PRKAR1B: variants seen among roughly 807,000 people sequenced by gnomAD.
The protein encoded by PRKAR1B is protein kinase cAMP-dependent type I regulatory subunit beta.
PRKAR1B carries 22 observed loss-of-function variants against 46.5 expected under a neutral mutation model. The observed-to-expected ratio is 0.47, with a 90% confidence interval of 0.34 to 0.68. The LOEUF (loss-of-function observed/expected upper bound fraction) is 0.68, where lower values mean the gene tolerates loss of function less well. PRKAR1B is among the 30% of genes least tolerant of loss of function. The pLI, the probability that PRKAR1B is intolerant of heterozygous loss-of-function variation, is 0.01. For missense variants in PRKAR1B, 445 were observed against 535.6 expected (o/e 0.83, Z 1.67); for synonymous variants, 259 against 217.7 (o/e 1.19, Z -1.67).
At chr7:594,964 A>G (rs1484859218) in intron 7 of PRKAR1B, among the ~76,000 whole-genome samples, 2 of 152,202 alleles carry the variant, frequency 1.3e-5, no homozygotes, top group East Asian at 3.9e-4. Context: ...GAATGGCCGC[A>G]CGGGGTGCTG....
chr7:662,095 C>A (rs1288404668), intron 4 of PRKAR1B, among the ~76,000 whole-genome samples: 3 of 103,316 alleles, frequency 2.9e-5, no homozygotes, highest in Non-Finnish European at 5.9e-5. Flanking sequence ...TACTCTCCCC[C>A]CCATGGCACA....
intron 4 of PRKAR1B, among the ~76,000 whole-genome samples, chr7:636,788 C>T (rs959924347): frequency 1.3e-5 from 2 of 152,208 alleles, no homozygotes; most frequent in Non-Finnish European, 2.9e-5. Context: ...TGCACCTGCA[C>T]GCCCCTCCCT....
intron 1 of PRKAR1B, among the ~76,000 whole-genome samples, chr7:715,804 C>T (rs556879906): frequency 3.0e-4 from 45 of 151,570 alleles, no homozygotes; most frequent in Non-Finnish European, 2.4e-4. Flanking sequence ...CAAGCTCCGC[C>T]TCCCGGGTTC....
At chr7:591,414 C>T (rs961179147) in intron 7 of PRKAR1B, among the ~76,000 whole-genome samples, 1 of 152,012 alleles carries the variant, frequency 6.6e-6, no homozygotes, top group East Asian at 1.9e-4. Flanking sequence ...ACGGGGAGGG[C>T]GGGGGCGCTA....
At chr7:712,143 G>A (rs991231042) in intron 1 of PRKAR1B, among the ~76,000 whole-genome samples, 2 of 151,260 alleles carry the variant, frequency 1.3e-5, no homozygotes, top group African/African-American at 4.8e-5. Context: ...ACCGCACCGC[G>A]GGGCGCAGGA....
chr7:641,341 C>A (rs955566784), intron 4 of PRKAR1B, among the ~76,000 whole-genome samples: 3 of 152,224 alleles, frequency 2.0e-5, no homozygotes, highest in African/African-American at 7.2e-5. Flanking sequence ...TACGTTCACA[C>A]AGACACGCAT....
intron 1 of PRKAR1B, among the ~76,000 whole-genome samples, chr7:721,074 G>GCAAC (rs368356161): frequency 1.7e-4 from 26 of 152,274 alleles, no homozygotes; most frequent in African/African-American, 5.8e-4. Context: ...ATATACATAT[G>GCAAC]CAACCCATCG....
At chr7:684,192 G>A (rs576101489) in intron 2 of PRKAR1B, among the ~76,000 whole-genome samples, 11 of 151,842 alleles carry the variant, frequency 7.2e-5, no homozygotes, top group African/African-American at 2.2e-4. Flanking sequence ...CCACCTCCAC[G>A]TGCACCAATG....
chr7:689,972 C>T (rs537137571), intron 2 of PRKAR1B, among the ~76,000 whole-genome samples: 7 of 151,290 alleles, frequency 4.6e-5, no homozygotes, highest in East Asian at 4.1e-4. Flanking sequence ...TGAGCCACCG[C>T]GCCTGGCCGA....
intron 2 of PRKAR1B, among the ~76,000 whole-genome samples, chr7:710,438 G>C (rs988819408): frequency 9.2e-5 from 14 of 152,138 alleles, no homozygotes; most frequent in African/African-American, 3.1e-4. Flanking sequence ...TCCCAGGCAC[G>C]CACGTCTACG....
chr7:580,763 A>C (rs912394436), intron 8 of PRKAR1B, among the ~76,000 whole-genome samples: 14 of 150,504 alleles, frequency 9.3e-5, no homozygotes, highest in Non-Finnish European at 1.6e-4. Context: ...AAAAAAAAAA[A>C]CAAACGTTTC....
intron 7 of PRKAR1B, among the ~76,000 whole-genome samples, chr7:592,691 G>C (rs1360183578): frequency 6.6e-6 from 1 of 152,304 alleles, no homozygotes; most frequent in Non-Finnish European, 1.5e-5. Context: ...TGAGGTCCTG[G>C]GTAAGGATCA....
intron 4 of PRKAR1B, among the ~76,000 whole-genome samples, chr7:624,893 A>ATGG (rs1783302676): frequency 6.6e-6 from 1 of 152,260 alleles, no homozygotes; most frequent in Admixed American, 6.5e-5. Flanking sequence ...GATTAACTGA[A>ATGG]TGGCACCATC....
chr7:555,303 CT>C (rs1179157212), intron 9 of PRKAR1B, among the ~76,000 whole-genome samples: 1 of 152,078 alleles, frequency 6.6e-6, no homozygotes, highest in African/African-American at 2.4e-5. Flanking sequence ...GTGCCGACTG[CT>C]CCCGGACACA....
At chr7:627,832 G>A (rs535687266) in intron 4 of PRKAR1B, among the ~76,000 whole-genome samples, 90 of 152,316 alleles carry the variant, frequency 5.9e-4, no homozygotes, top group Non-Finnish European at 1.1e-3. Flanking sequence ...AACTCCACTC[G>A]GCCCTCACTG....
chr7:625,873 T>A (rs1783364660), intron 4 of PRKAR1B, among the ~76,000 whole-genome samples: 1 of 151,882 alleles, frequency 6.6e-6, no homozygotes, highest in Non-Finnish European at 1.5e-5. Flanking sequence ...CTGGGCATGG[T>A]GGCAGGCACC....
intron 6 of PRKAR1B, among the ~76,000 whole-genome samples, chr7:604,854 G>A (rs1483305704): frequency 6.6e-6 from 1 of 151,880 alleles, no homozygotes; most frequent in Non-Finnish European, 1.5e-5. Flanking sequence ...GGTGGACAAG[G>A]AGAAGGGCAG....
intron 4 of PRKAR1B, among the ~76,000 whole-genome samples, chr7:625,466 A>C (rs1334489605): frequency 6.6e-6 from 1 of 152,282 alleles, no homozygotes; most frequent in Non-Finnish European, 1.5e-5. Context: ...GATGCAGCCA[A>C]AGCATCTCTA....
chr7:617,677 C>T (rs546678430), intron 4 of PRKAR1B, among the ~76,000 whole-genome samples: 1 of 152,156 alleles, frequency 6.6e-6, no homozygotes, highest in African/African-American at 2.4e-5. Flanking sequence ...GATACTCTCC[C>T]GGCCCCAGCT....
Sources: gnomAD v4.1 joint callset for allele counts (sites outside exome capture counted in the v4.1 genomes callset) on GRCh38, gnomAD v4.1.1 for gene constraint, MANE v1.5 for transcripts, NCBI Gene and HGNC (gene_info 2026-07-23, HGNC 2026-07-21) for gene names.